SGCZ: variants seen among roughly 807,000 people sequenced by gnomAD.
SGCZ encodes zeta-sarcoglycan.
Under a neutral mutation model 41.3 loss-of-function variants are expected in SGCZ, and 40 were observed. The ratio of observed to expected loss-of-function variants is 0.97; its 90% CI spans 0.75 to 1.26. The LOEUF (loss-of-function observed/expected upper bound fraction) is 1.26, where lower values mean the gene tolerates loss of function less well. Ranked by LOEUF, SGCZ falls within the 50% of genes most tolerant of loss-of-function variation. The pLI, the probability that SGCZ is intolerant of heterozygous loss-of-function variation, is 0.00. For missense variants in SGCZ, 552 were observed against 369.8 expected (o/e 1.49, Z -4.04); for synonymous variants, 206 against 137.5 (o/e 1.50, Z -3.49).
chr8:14,920,733 A>T (rs904068473), intron 1 of SGCZ, among the ~76,000 whole-genome samples: 11 of 152,234 alleles, frequency 7.2e-5, no homozygotes, highest in Admixed American at 5.2e-4. Flanking sequence ...AATTACTTTT[A>T]ATATAGTTAA....
At chr8:14,686,790 A>G (rs752990687) in intron 1 of SGCZ, among the ~76,000 whole-genome samples, 39 of 152,094 alleles carry the variant, frequency 2.6e-4, no homozygotes, top group Non-Finnish European at 4.1e-4. Flanking sequence ...TGCAAAAAGA[A>G]TATCAAATTC....
chr8:14,707,030 T>C (rs1378650673), intron 1 of SGCZ, among the ~76,000 whole-genome samples: 1 of 151,800 alleles, frequency 6.6e-6, no homozygotes, highest in African/African-American at 2.4e-5. Flanking sequence ...AAAATCTTTT[T>C]TTTAAAATTT....
chr8:14,178,590 T>C (rs1804625412), intron 4 of SGCZ, among the ~76,000 whole-genome samples: 3 of 152,200 alleles, frequency 2.0e-5, no homozygotes, highest in Non-Finnish European at 4.4e-5. Context: ...AATTTGATAC[T>C]ATTGGTTAAG....
intron 1 of SGCZ, among the ~76,000 whole-genome samples, chr8:15,058,461 G>A (rs980841049): frequency 6.6e-5 from 10 of 152,266 alleles, no homozygotes; most frequent in East Asian, 3.9e-4. Flanking sequence ...GAAGGAGGAC[G>A]TGAAGTGTAT....
intron 7 of SGCZ, among the ~76,000 whole-genome samples, chr8:14,098,925 C>T (rs1321260115): frequency 6.6e-6 from 1 of 152,094 alleles, no homozygotes; most frequent in Non-Finnish European, 1.5e-5. Flanking sequence ...TTCTCTGGTT[C>T]TCCCATCCAT....
At chr8:14,847,062 A>G (rs982379403) in intron 1 of SGCZ, among the ~76,000 whole-genome samples, 1 of 151,704 alleles carries the variant, frequency 6.6e-6, no homozygotes, top group African/African-American at 2.4e-5. Context: ...ACAGAGCAAG[A>G]CTTCATCTCT....
chr8:14,964,526 C>T (rs959760283), intron 1 of SGCZ, among the ~76,000 whole-genome samples: 4 of 152,154 alleles, frequency 2.6e-5, no homozygotes, highest in African/African-American at 9.7e-5. Flanking sequence ...AGCGCAAACT[C>T]TCAGGATCAC....
Position 14,495,768 on chromosome 8 carries a change from G to A in SGCZ, c.234+58964C>T, listed in dbSNP as rs538475394. ...ATTGCTCCTGCCATAATGAGACGAC[G>A]TTAGATAAACGTTTTTTTGAAAAAC... is the stretch of plus-strand genomic sequence containing the variant. On this transcript the variant is annotated intron_variant, in intron 2 of 7. Coordinates refer to ENST00000382080, the MANE Select transcript of SGCZ (RefSeq NM_139167.4). 9.1e-5 allele frequency among the ~76,000 whole-genome samples: 12 copies of A among 131,792 alleles called. No homozygotes were observed. In the South Asian group the frequency reaches 1.9e-3, roughly 20 times the overall value. The allele number at this position is 131,792 out of a possible 152,430, so 86.5% of individuals were successfully genotyped here.
At chr8:14,256,312 T>G (rs191860933) in intron 3 of SGCZ, among the ~76,000 whole-genome samples, 6 of 152,230 alleles carry the variant, frequency 3.9e-5, no homozygotes, top group Admixed American at 2.0e-4. Context: ...ATATAGTCAT[T>G]GGCTCTATAT....
chr8:14,448,548 T>C (rs763637084), intron 2 of SGCZ, among the ~76,000 whole-genome samples: 1 of 152,174 alleles, frequency 6.6e-6, no homozygotes, highest in Non-Finnish European at 1.5e-5. Flanking sequence ...ACAAAAATCA[T>C]CTATTTGGGA....
chr8:14,513,556 T>C (rs1181462276), intron 2 of SGCZ, among the ~76,000 whole-genome samples: 7 of 151,112 alleles, frequency 4.6e-5, no homozygotes, highest in African/African-American at 1.7e-4. Flanking sequence ...TAGATCTGAG[T>C]GTTCATCTAT....
intron 3 of SGCZ, among the ~76,000 whole-genome samples, chr8:14,241,970 A>C (rs955292238): frequency 3.9e-5 from 6 of 152,160 alleles, no homozygotes; most frequent in Non-Finnish European, 5.9e-5. Flanking sequence ...ATATTTACTC[A>C]GTGCTTGTAA....
chr8:14,945,811 A>G (rs747077520), intron 1 of SGCZ, among the ~76,000 whole-genome samples: 59 of 151,096 alleles, frequency 3.9e-4, no homozygotes, highest in Admixed American at 9.2e-4. Flanking sequence ...GGACTCAGGA[A>G]CTAACACCAG....
At chr8:14,507,778 T>TG (rs1554529163) in intron 2 of SGCZ, among the ~76,000 whole-genome samples, 2 of 142,766 alleles carry the variant, frequency 1.4e-5, no homozygotes, top group African/African-American at 5.2e-5. Flanking sequence ...GTTTTTGTTT[T>TG]TTTTTTTTTC....
At chr8:14,169,611 ACACTTCCTGTAGCCAGTC>A (rs1804313438) in intron 4 of SGCZ, among the ~76,000 whole-genome samples, 1 of 151,882 alleles carries the variant, frequency 6.6e-6, no homozygotes, top group African/African-American at 2.4e-5. Context: ...TACCAACAAC[ACACTTCCTGTAGCCAGTC>A]CACAGGGGTA....
At chr8:14,724,347 A>G (rs1310206244) in intron 1 of SGCZ, among the ~76,000 whole-genome samples, 1 of 151,856 alleles carries the variant, frequency 6.6e-6, no homozygotes, top group Non-Finnish European at 1.5e-5. Flanking sequence ...TTTTTTTCCT[A>G]TTTCTATTGT....
intron 1 of SGCZ, among the ~76,000 whole-genome samples, chr8:14,776,780 A>T (rs1428501527): frequency 6.6e-6 from 1 of 152,154 alleles, no homozygotes; most frequent in Non-Finnish European, 1.5e-5. Context: ...GGCGTGAGCT[A>T]TGGCGCCCAG....
chr8:14,180,788 T>A (rs1366799764), intron 4 of SGCZ, among the ~76,000 whole-genome samples: 1 of 151,974 alleles, frequency 6.6e-6, no homozygotes, highest in Non-Finnish European at 1.5e-5. Context: ...GTGGCCAGAC[T>A]GTGCTCCTGA....
intron 1 of SGCZ, among the ~76,000 whole-genome samples, chr8:14,735,302 A>G (rs1798993549): frequency 1.3e-5 from 2 of 152,166 alleles, no homozygotes; most frequent in South Asian, 2.1e-4. Flanking sequence ...TATTTGAGTC[A>G]GTGGACTAGG....
Sources: allele counts gnomAD v4.1 joint callset (sites outside exome capture counted in the v4.1 genomes callset), GRCh38; gene constraint gnomAD v4.1.1; transcripts MANE v1.5; gene names NCBI Gene and HGNC (gene_info 2026-07-23, HGNC 2026-07-21).